The following CABIN1 variants were observed in gnomAD, a reference collection of about 807,000 sequenced individuals.
The protein encoded by CABIN1 is calcineurin binding protein 1, also known as calcineurin-binding protein cabin-1.
A neutral mutation model predicts 227.7 loss-of-function variants in CABIN1; 133 were observed. That is an observed-to-expected ratio of 0.58 (90% CI 0.51 to 0.67). The LOEUF is 0.67. Ranked by LOEUF, CABIN1 falls within the 30% of genes least tolerant of loss-of-function variation. The pLI is 0.00. For missense variants in CABIN1, 2,408 were observed against 2,852.5 expected (o/e 0.84, Z 3.55); for synonymous variants, 1,086 against 1,155.1 (o/e 0.94, Z 1.21).
chr22:24,173,225 C>G (rs546670535), intron 34 of CABIN1: 1 of 152,266 alleles, frequency 6.6e-6, no homozygotes, highest in Non-Finnish European at 1.5e-5. Flanking sequence ...GAGACAGCCA[C>G]TCTGCAGAAG....
At chr22:24,035,313 G>A in intron 1 of CABIN1, 131 bp from the exon 2 acceptor site, 1 of 655,608 alleles carries the variant, frequency 1.5e-6, no homozygotes, top group Non-Finnish European at 2.8e-6. Context: ...CCACACCGCT[G>A]TCCCAAGGCA....
intron 16 of CABIN1, among the ~76,000 whole-genome samples, chr22:24,069,296 A>G (rs73401667): frequency 0.021 from 3,133 of 152,062 alleles, 125 homozygotes; most frequent in African/African-American, 0.069. Flanking sequence ...TAGAAACCCT[A>G]TTGATTTTTT....
chr22:24,092,127 G>T, intron 24 of CABIN1: 1 of 494,160 alleles, frequency 2.0e-6, no homozygotes, highest in Non-Finnish European at 3.7e-6. Context: ...CCTTGGTGAT[G>T]ACAGTCAGTG....
chr22:24,026,580 CTTTTTCT>C (rs199681799), intron 1 of CABIN1, among the ~76,000 whole-genome samples: 4,455 of 152,056 alleles, frequency 0.029, 171 homozygotes, highest in East Asian at 0.14. Context: ...GGTCAAGGTT[CTTTTTCT>C]TTTTTCTTTT....
intron 28 of CABIN1, among the ~76,000 whole-genome samples, chr22:24,127,272 C>T (rs756880777): frequency 3.0e-4 from 45 of 152,160 alleles, no homozygotes; most frequent in African/African-American, 9.4e-4. Context: ...CTGGACCAGC[C>T]GCGGTGCCTG....
chr22:24,145,418 G>A (rs1439794261), intron 29 of CABIN1, among the ~76,000 whole-genome samples: 3 of 152,302 alleles, frequency 2.0e-5, no homozygotes, highest in African/African-American at 7.2e-5. Context: ...TAGTGCCATT[G>A]TCCCTGCCTC....
chr22:24,122,042 G>A (rs1029169094), intron 28 of CABIN1, among the ~76,000 whole-genome samples: 3 of 152,024 alleles, frequency 2.0e-5, no homozygotes, highest in African/African-American at 7.2e-5. Context: ...GTTGAGTAGC[G>A]ATACGGGCCC....
At chr22:24,116,652 T>C (rs1334458528) in intron 27 of CABIN1, among the ~76,000 whole-genome samples, 1 of 152,226 alleles carries the variant, frequency 6.6e-6, no homozygotes, top group Non-Finnish European at 1.5e-5. Flanking sequence ...TGCTGGGGCA[T>C]ATTTTGGTCT....
At chr22:24,063,230 G>T in intron 14 of CABIN1, 84 bp downstream of exon 14, 3 of 1,323,422 alleles carry the variant, frequency 2.3e-6, no homozygotes, top group Non-Finnish European at 3.3e-6. Context: ...GAGGGTGTGT[G>T]TGTGTATGTG....
intron 29 of CABIN1, 85 bp downstream of exon 29, chr22:24,134,500 G>C (rs2044270584): frequency 2.7e-6 from 3 of 1,131,966 alleles, no homozygotes; most frequent in Non-Finnish European, 2.6e-6. Context: ...CCCTAGGTGG[G>C]TGTTCCCAGG....
At chr22:24,019,120 GTTTTTTTTTT>G (rs945660140) in intron 1 of CABIN1, among the ~76,000 whole-genome samples, 1 of 40,176 alleles carries the variant, frequency 2.5e-5, no homozygotes, top group Non-Finnish European at 4.3e-5. Context: ...ACTGAGTGTT[GTTTTTTTTTT>G]TTTTTTTTTT....
rs192265875 is a variant in CABIN1 at position 24,151,373 on chromosome 22, C to T, written c.4747-13027C>T. On this transcript the variant is annotated intron_variant, in intron 29 of 36. Transcript: ENST00000263119. ...ATTGCTTCCCCATGACCTTCCCTAC[C>T]TTGCAGCCTAGCCAGAGGAGCCAGA... Among the ~76,000 whole-genome samples the T allele has an allele frequency of 3.9e-5, 6 of 152,284 alleles. No homozygotes were observed. In the East Asian group the frequency reaches 9.6e-4, roughly 24 times the overall value.
intron 17 of CABIN1, among the ~76,000 whole-genome samples, chr22:24,071,946 C>T (rs1889115697): frequency 6.6e-6 from 1 of 152,196 alleles, no homozygotes; most frequent in South Asian, 2.1e-4. Flanking sequence ...TAATAAGGCT[C>T]TCACCTGTCT....
At chr22:24,174,602 A>G (rs1187368574) in intron 34 of CABIN1, among the ~76,000 whole-genome samples, 1 of 152,024 alleles carries the variant, frequency 6.6e-6, no homozygotes, top group Non-Finnish European at 1.5e-5. Context: ...AGGGTCAGGA[A>G]TTTACAGTGG....
chr22:24,011,579 C>T (rs2034814135), intron 1 of CABIN1: 1 of 152,256 alleles, frequency 6.6e-6, no homozygotes, highest in Non-Finnish European at 1.5e-5. Flanking sequence ...TCGCCGCCGC[C>T]CTGAGGTGCC....
chr22:24,035,338 T>C (rs2036787012), intron 1 of CABIN1, 106 bp from the exon 2 acceptor site: 2 of 750,240 alleles, frequency 2.7e-6, no homozygotes, highest in South Asian at 1.6e-5. Flanking sequence ...TTCACTGGCC[T>C]GTCTGCATAG....
At chr22:24,037,259 CAAAAAAAAAA>C (rs71184942) in intron 3 of CABIN1, among the ~76,000 whole-genome samples, 1 of 52,636 alleles carries the variant, frequency 1.9e-5, no homozygotes, top group Non-Finnish European at 3.9e-5. Flanking sequence ...GACCCCGTCT[CAAAAAAAAAA>C]AAAAAAAAAG....
intron 16 of CABIN1, among the ~76,000 whole-genome samples, chr22:24,067,803 T>C (rs2039797444): frequency 1.3e-5 from 2 of 152,156 alleles, no homozygotes; most frequent in African/African-American, 2.4e-5. Flanking sequence ...AGTCCTGTTG[T>C]AGGGATTACA....
intron 23 of CABIN1, among the ~76,000 whole-genome samples, chr22:24,090,170 G>T (rs1433827726): frequency 6.6e-6 from 1 of 152,220 alleles, no homozygotes; most frequent in Non-Finnish European, 1.5e-5. Context: ...TGGGGAAGGG[G>T]TGGGGGCTTA....
Sources: gnomAD v4.1 joint callset for allele counts (sites outside exome capture counted in the v4.1 genomes callset) on GRCh38, gnomAD v4.1.1 for gene constraint, MANE v1.5 for transcripts, NCBI Gene and HGNC (gene_info 2026-07-23, HGNC 2026-07-21) for gene names.